ZFTRAF1: variants seen among roughly 807,000 people sequenced by gnomAD.
ZFTRAF1 encodes zinc finger TRAF-type-containing protein 1.
At chr8:144,459,922 C>T in the ZFTRAF1 span, among the ~76,000 whole-genome samples, 335 of 152,354 alleles carry the variant, frequency 2.2e-3, 4 homozygotes, top group Middle Eastern at 0.01. Flanking sequence ...TCAACGTGGT[C>T]ACCAAGGAAA....
At chr8:144,450,776 GAGAC>G in the ZFTRAF1 span, 9 of 691,468 alleles carry the variant, frequency 1.3e-5, no homozygotes, top group East Asian at 5.5e-5. Context: ...GACCTCTGTG[GAGAC>G]AGACAGGGCC....
At chr8:144,461,451 G>A in the ZFTRAF1 span, among the ~76,000 whole-genome samples, 1 of 152,150 alleles carries the variant, frequency 6.6e-6, no homozygotes, top group Non-Finnish European at 1.5e-5. Context: ...ACCCACCTGG[G>A]CCAGGTACCC....
At chr8:144,457,839 C>T in the ZFTRAF1 span, 1 of 152,298 alleles carries the variant, frequency 6.6e-6, no homozygotes, top group Non-Finnish European at 1.5e-5. Flanking sequence ...TCCTGTTTGC[C>T]ACTGGAGGAT....
chr8:144,461,502 T>G, the ZFTRAF1 span, among the ~76,000 whole-genome samples: 1 of 151,988 alleles, frequency 6.6e-6, no homozygotes, highest in Non-Finnish European at 1.5e-5. Flanking sequence ...CCCACTGCCA[T>G]GCGGATGTGA....
At chr8:144,461,029 G>A in the ZFTRAF1 span, among the ~76,000 whole-genome samples, 1 of 152,232 alleles carries the variant, frequency 6.6e-6, no homozygotes, top group Non-Finnish European at 1.5e-5. Flanking sequence ...GCTCTGAAAA[G>A]TGCTCCCCTA....
chr8:144,461,883 A>T, the ZFTRAF1 span, among the ~76,000 whole-genome samples: 1 of 152,128 alleles, frequency 6.6e-6, no homozygotes, highest in Non-Finnish European at 1.5e-5. Context: ...CTCTGAGCCC[A>T]GGGAGCTTGG....
At chr8:144,456,610 G>A in the ZFTRAF1 span, 1 of 152,270 alleles carries the variant, frequency 6.6e-6, no homozygotes, top group African/African-American at 2.4e-5. Flanking sequence ...AACCCCCCAC[G>A]ACCAAGAATG....
At chr8:144,459,885 T>C in the ZFTRAF1 span, among the ~76,000 whole-genome samples, 1 of 152,216 alleles carries the variant, frequency 6.6e-6, no homozygotes, top group Admixed American at 6.5e-5. Flanking sequence ...GCTGCATTCC[T>C]GACACTGGCT....
chr8:144,456,561 C>T, the ZFTRAF1 span: 1 of 152,572 alleles, frequency 6.6e-6, no homozygotes, highest in Non-Finnish European at 1.5e-5. Context: ...TCCCCACCAG[C>T]CAGGAAGACC....
chr8:144,451,850 C>G, the ZFTRAF1 span: 5 of 211,078 alleles, frequency 2.4e-5, no homozygotes, highest in African/African-American at 9.1e-5. Context: ...AGTCGGGCAC[C>G]CTCAGCTTGT....
At chr8:144,460,308 C>A in the ZFTRAF1 span, among the ~76,000 whole-genome samples, 1 of 152,260 alleles carries the variant, frequency 6.6e-6, no homozygotes, top group Non-Finnish European at 1.5e-5. Flanking sequence ...CTCTGGCCGC[C>A]CAGAGCAGAA....
the ZFTRAF1 span, among the ~76,000 whole-genome samples, chr8:144,461,917 G>C: frequency 6.6e-5 from 10 of 152,296 alleles, no homozygotes; most frequent in African/African-American, 2.4e-4. Flanking sequence ...GCGGGGAGCA[G>C]TTGCGGGCTA....
the ZFTRAF1 span, chr8:144,451,014 C>T: frequency 1.9e-6 from 1 of 516,364 alleles, no homozygotes; most frequent in South Asian, 2.6e-5. Context: ...CCAGAGGCTG[C>T]ACGTGTCAGG....
chr8:144,452,433 T>C, the ZFTRAF1 span: 1 of 1,550,092 alleles, frequency 6.5e-7, no homozygotes, highest in Non-Finnish European at 8.7e-7. Flanking sequence ...GCGGTGGCTC[T>C]GGTCCATCCC....
chr8:144,461,058 C>A, the ZFTRAF1 span, among the ~76,000 whole-genome samples: 1 of 152,180 alleles, frequency 6.6e-6, no homozygotes, highest in Non-Finnish European at 1.5e-5. Flanking sequence ...TGGTGCCTGA[C>A]ACCCAGGAGG....
the ZFTRAF1 span, among the ~76,000 whole-genome samples, chr8:144,459,823 T>TA: frequency 6.6e-6 from 1 of 152,210 alleles, no homozygotes; most frequent in Non-Finnish European, 1.5e-5. Flanking sequence ...CTGAGCCATG[T>TA]GTTCTGCTGG....
chr8:144,460,491 C>T, the ZFTRAF1 span, among the ~76,000 whole-genome samples: 2 of 152,276 alleles, frequency 1.3e-5, no homozygotes, highest in Admixed American at 6.5e-5. Context: ...CCAGCTACAG[C>T]TCCAGCCCAC....
At chr8:144,459,982 G>A in the ZFTRAF1 span, among the ~76,000 whole-genome samples, 1 of 152,208 alleles carries the variant, frequency 6.6e-6, no homozygotes. Context: ...TGGCCAGCAT[G>A]GGCCCAACCA....
chr8:144,452,631 GTCCTCCCA>G, the ZFTRAF1 span: 1 of 1,461,220 alleles, frequency 6.8e-7, no homozygotes, highest in Non-Finnish European at 9.2e-7. Context: ...GCAACAAGCT[GTCCTCCCA>G]TATGGCTTCC....
Sources: allele counts gnomAD v4.1 joint callset (sites outside exome capture counted in the v4.1 genomes callset), GRCh38; gene constraint gnomAD v4.1.1; transcripts MANE v1.5; gene names NCBI Gene and HGNC (gene_info 2026-07-23, HGNC 2026-07-21).